DAB2: variants seen among roughly 807,000 people sequenced by gnomAD.
DAB2 encodes disabled homolog 2.
DAB2 carries 28 observed loss-of-function variants against 71.6 expected under a neutral mutation model. The observed-to-expected ratio is 0.39, with a 90% CI of 0.29 to 0.54. The LOEUF is 0.54. Ranked by LOEUF, DAB2 falls within the 20% of genes least tolerant of loss-of-function variation. The pLI is 0.68. For synonymous variants in DAB2, 345 were observed against 339.7 expected, an observed-to-expected ratio of 1.02 and a Z score of -0.17; for missense variants, 867 against 928.8, an observed-to-expected ratio of 0.93 and a Z score of 0.86.
Position 39,376,760 on chromosome 5 carries a change from G to A in DAB2, c.2027C>T (p.Ser676Phe). 1 of 1,614,152 alleles carries A rather than the reference G, an allele frequency of 6.2e-7. No individual in the cohort carries two copies. The highest frequency in any genetic ancestry group is 1.1e-5 in the South Asian group (1 of 91,086). The change falls in exon 12 of 15, where the codon TCT becomes TTT. Residue 676 changes from serine (S) to phenylalanine (F), a missense_variant. This residue lies in a region of DAB2 where 740 missense variants were observed against 734.3 expected (regional missense o/e 1.01). Coordinates refer to ENST00000320816, the MANE Select transcript of DAB2 (RefSeq NM_001343.4). ...ACTGGCAAAGGCACTCAAAGTCCCAGAAGAAGTCTGCTCTCCCTTCCGCGC... is the reference window on the plus strand; with the variant it reads ...ACTGGCAAAGGCACTCAAAGTCCCAAAAGAAGTCTGCTCTCCCTTCCGCGC... ...VPARKGEQTS[S>F]GTLSAFASYF...
In DAB2 at chr5:39,390,546, C is replaced by A; in HGVS notation, c.360G>T (p.Lys120Asn). 3 of 1,613,436 alleles carry A rather than the reference C, an allele frequency of 1.9e-6. No homozygotes were observed. The highest frequency in any genetic ancestry group is 2.5e-6 in the Non-Finnish European group (3 of 1,179,480). Reference protein sequence around the residue: ...GVIEHEHPVNKISFIARDVTD... With the variant: ...GVIEHEHPVNNISFIARDVTD... ...TCACATCACGGGCAATGAAAGAAAT[C>A]TTATTTACTGGATGTTCATGCTCTA... The change falls in exon 5 of 15, where the codon AAG (lysine) becomes AAT (asparagine). Residue 120 changes from lysine (K) to asparagine (N), a missense_variant. Physicochemically the swap from Lys to Asn is moderately conservative, Grantham distance 94. Around this residue, in one of 2 missense-constraint regions of DAB2, gnomAD observed 127 missense variants for 194.4 expected, o/e 0.65. Transcript: ENST00000320816.
In DAB2 at chr5:39,372,532, G is replaced by A. The variant is rs939457969; in HGVS notation, c.*899C>T. 6.6e-6 allele frequency: 1 copy of A among 152,082 alleles called. No homozygotes were observed. The highest frequency in any genetic ancestry group is 2.1e-4 in the South Asian group (1 of 4,824). The allele number at this position is 152,082 out of a possible 1,614,324, so 9.4% of individuals were successfully genotyped here. A position where few individuals can be genotyped will look rare whatever the true frequency, so the allele number is the denominator to read the frequency against. On this transcript the variant is annotated 3_prime_UTR_variant, in exon 15 of 15. Coordinates refer to ENST00000320816, the MANE Select transcript of DAB2 (RefSeq NM_001343.4). The stretch of plus-strand genomic sequence containing the variant: ...AAGAGAGTGGCCTCCTCTTCCACAG[G>A]AAGGATATAGGTTGTGCCCATTTGC...
At chr5:39,374,815 A>T in intron 14 of DAB2, 199 bp downstream of exon 14, 3 of 526,950 alleles carry the variant, frequency 5.7e-6, no homozygotes, top group African/African-American at 2.0e-5. Flanking sequence ...CTATTTTTTG[A>T]TGTGTTTAGG....
At chr5:39,401,841 C>T (rs926188121) in intron 1 of DAB2, among the ~76,000 whole-genome samples, 2 of 151,816 alleles carry the variant, frequency 1.3e-5, no homozygotes, top group African/African-American at 4.8e-5. Context: ...CAAGCTCCGC[C>T]TGCCGGGTTC....
chr5:39,385,394 C>A (rs1003318846), intron 9 of DAB2: 1 of 152,188 alleles, frequency 6.6e-6, no homozygotes, highest in Non-Finnish European at 1.5e-5. Flanking sequence ...GGACACCAAA[C>A]AGGAGCCACA....
intron 1 of DAB2, among the ~76,000 whole-genome samples, chr5:39,405,332 C>T (rs752926524): frequency 1.3e-5 from 2 of 152,304 alleles, no homozygotes; most frequent in East Asian, 3.9e-4. Context: ...ACATATTCCA[C>T]CCCAGTTCTC....
rs570283848 is a variant in DAB2, at chr5:39,379,666, A to T, written c.1504+1788T>A. On this transcript the variant is annotated intron_variant, in intron 11 of 14. Transcript: ENST00000320816. ...TAATTTTATTACCTTCTGAGGCTAGATTAAAATACAAGCAAGTTGAATCTG... is the reference window on the plus strand; with the variant it reads ...TAATTTTATTACCTTCTGAGGCTAGTTTAAAATACAAGCAAGTTGAATCTG... Among the ~76,000 whole-genome samples the T allele has an allele frequency of 2.6e-5, 4 of 152,238 alleles. No homozygotes were observed. In the East Asian group the frequency reaches 7.7e-4, roughly 29 times the overall value.
At chr5:39,379,380 G>A (rs1754903858) in intron 11 of DAB2, among the ~76,000 whole-genome samples, 1 of 136,732 alleles carries the variant, frequency 7.3e-6, no homozygotes, top group Admixed American at 8.3e-5. Flanking sequence ...GGAGGCAGAG[G>A]TTGCAGTGAG....
At chr5:39,402,098 C>CA (rs1218243505) in intron 1 of DAB2, among the ~76,000 whole-genome samples, 1 of 152,070 alleles carries the variant, frequency 6.6e-6, no homozygotes, top group Non-Finnish European at 1.5e-5. Context: ...ACCATCAGAC[C>CA]TCATGAGACT....
chr5:39,398,004 A>T (rs1275262754), intron 1 of DAB2, among the ~76,000 whole-genome samples: 1 of 152,220 alleles, frequency 6.6e-6, no homozygotes, highest in Non-Finnish European at 1.5e-5. Flanking sequence ...TAGCAGCAGC[A>T]AGATGGCCCA....
intron 1 of DAB2, among the ~76,000 whole-genome samples, chr5:39,398,407 A>G (rs1755421896): frequency 6.6e-6 from 1 of 152,238 alleles, no homozygotes; most frequent in Admixed American, 6.5e-5. Flanking sequence ...AGCTTTTCAT[A>G]GCATTGGAAT....
At chr5:39,391,969 A>C (rs1210948199) in intron 4 of DAB2, among the ~76,000 whole-genome samples, 4 of 46,002 alleles carry the variant, frequency 8.7e-5, no homozygotes, top group African/African-American at 3.7e-4. Context: ...CGAGGTCAAA[A>C]AAAAAAAAAA....
chr5:39,373,516 C>T (rs1165811307), intron 14 of DAB2, 91 bp from the exon 15 acceptor site: 2 of 152,122 alleles, frequency 1.3e-5, no homozygotes, highest in African/African-American at 2.4e-5. Context: ...TTAAAGATGT[C>T]AGTAATAGTA....
chr5:39,376,225 C>A, intron 12 of DAB2, 119 bp from the exon 13 acceptor site: 2 of 695,780 alleles, frequency 2.9e-6, no homozygotes, highest in Non-Finnish European at 4.9e-6. Context: ...ATCAGTGGAA[C>A]AAAAATCAAC....
chr5:39,388,893 G>T, intron 7 of DAB2, 41 bp from the exon 8 acceptor site: 3 of 1,550,832 alleles, frequency 1.9e-6, no homozygotes, highest in Non-Finnish European at 2.7e-6. Context: ...GTTGAGCTTT[G>T]TCTATAAAAT....
chr5:39,393,217 G>A (rs1460781579), intron 3 of DAB2, 37 bp downstream of exon 3: 3 of 1,602,796 alleles, frequency 1.9e-6, no homozygotes, highest in Non-Finnish European at 2.6e-6. Context: ...TTGGACTTTT[G>A]CTTAATATAC....
At chr5:39,374,076 C>T (rs1013778798) in intron 14 of DAB2, among the ~76,000 whole-genome samples, 1 of 152,198 alleles carries the variant, frequency 6.6e-6, no homozygotes, top group South Asian at 2.1e-4. Context: ...TGCCTATAAG[C>T]TCAATCTTAT....
At chr5:39,399,924 A>G (rs1352966824) in intron 1 of DAB2, among the ~76,000 whole-genome samples, 1 of 152,198 alleles carries the variant, frequency 6.6e-6, no homozygotes, top group Non-Finnish European at 1.5e-5. Flanking sequence ...ATGTGTTGGC[A>G]TCAGCAATGG....
intron 4 of DAB2, 47 bp from the exon 5 acceptor site, chr5:39,390,622 A>T (rs1755205053): frequency 6.7e-7 from 1 of 1,494,484 alleles, no homozygotes. Context: ...ACTAGAATCT[A>T]TTTGCAGGCT....
Sources: gnomAD v4.1 joint callset for allele counts (sites outside exome capture counted in the v4.1 genomes callset) on GRCh38, gnomAD v4.1.1 for gene constraint, gnomAD v4.1.1 regional missense constraint, MANE v1.5 for transcripts, NCBI Gene and HGNC (gene_info 2026-07-23, HGNC 2026-07-21) for gene names.